The following ZNF860 variants were observed in gnomAD, a reference collection of about 807,000 sequenced individuals.
The protein encoded by ZNF860 is zinc finger protein 860.
For missense variants in ZNF860, 641 were observed against 759.2 expected (o/e 0.84, Z 1.83); for synonymous variants, 206 against 248.9 (o/e 0.83, Z 1.62).
At chr3:31,996,354 CT>C (rs1699089899), downstream of ZNF860, among the ~76,000 whole-genome samples, 1 of 152,114 alleles carries the variant, frequency 6.6e-6, no homozygotes, top group South Asian at 2.1e-4. Flanking sequence ...TCTCTAAACT[CT>C]CCCCCCCGTG....
In ZNF860 at chr3:31,990,219, TG is replaced by T. The variant is rs1198534118; in HGVS notation, c.1143del (p.Gln382SerfsTer13). 6.2e-7 allele frequency: 1 copy of T among 1,613,934 alleles called. No homozygotes were observed. The highest frequency in any genetic ancestry group is 1.3e-5 in the African/African-American group (1 of 74,920). ...KCNECGKAFSGQSTLIHHQAI... is the reference protein window; with the variant it reads ...KCNECGKAFSXQSTLIHHQAI... ...GTAATGAGTGTGGCAAAGCCTTTAG[TG>T]GGCAGTCAACACTTATTCACCATCA... On this transcript the variant is annotated frameshift_variant, in exon 2 of 2. Coordinates refer to ENST00000360311, the MANE Select transcript of ZNF860 (RefSeq NM_001137674.3). LOFTEE classifies it low-confidence loss of function (END_TRUNC).
Position 31,989,251 on chromosome 3 carries a change from A to ATCCAC in ZNF860, c.172_173insTCCAC (p.Arg58IlefsTer15). The stretch of plus-strand genomic sequence containing the variant: ...CAGGGCCATGATGTTGGAGAACTAC[A>ATCCAC]GGAACCTGCATTCTGTGGATATCTC... On this transcript the variant is annotated frameshift_variant, in exon 2 of 2. Coordinates refer to ENST00000360311, the MANE Select transcript of ZNF860 (RefSeq NM_001137674.3). LOFTEE classifies it low-confidence loss of function (END_TRUNC). The ATCCAC allele has an allele frequency of 6.2e-7, 1 of 1,614,244 alleles. No homozygotes were observed. The highest frequency in any genetic ancestry group is 8.5e-7 in the Non-Finnish European group (1 of 1,180,040).
At chr3:31,992,896 A>G (rs998060910), downstream of ZNF860, among the ~76,000 whole-genome samples, 11 of 152,150 alleles carry the variant, frequency 7.2e-5, no homozygotes, top group Admixed American at 1.3e-4. Context: ...CTAGTTACTC[A>G]AGAGGCTGAG....
downstream of ZNF860, among the ~76,000 whole-genome samples, chr3:31,994,494 ATGG>A (rs1280397809): frequency 5.4e-5 from 4 of 73,784 alleles, no homozygotes; most frequent in African/African-American, 8.6e-5. Flanking sequence ...GAAAAAAAGG[ATGG>A]ATGGATGGAT....
the ZNF860 span, among the ~76,000 whole-genome samples, chr3:31,998,870 A>G: frequency 1.3e-5 from 2 of 152,190 alleles, no homozygotes; most frequent in African/African-American, 4.8e-5. Flanking sequence ...TTCTTTTTCA[A>G]CTATCTTGGA....
the ZNF860 span, among the ~76,000 whole-genome samples, chr3:32,002,077 A>G: frequency 1.3e-5 from 2 of 152,340 alleles, no homozygotes; most frequent in East Asian, 3.9e-4. Context: ...TAAACTGCCC[A>G]GGTTGGCTAG....
downstream of ZNF860, among the ~76,000 whole-genome samples, chr3:31,994,837 C>T (rs193300705): frequency 3.9e-5 from 6 of 152,242 alleles, no homozygotes; most frequent in Admixed American, 1.3e-4. Context: ...AATATTTCAA[C>T]GTAGGTTCTT....
At chr3:32,002,210 G>T in the ZNF860 span, among the ~76,000 whole-genome samples, 1 of 151,974 alleles carries the variant, frequency 6.6e-6, no homozygotes, top group Admixed American at 6.6e-5. Flanking sequence ...CTTTTATCCT[G>T]CATTTTAGGT....
downstream of ZNF860, among the ~76,000 whole-genome samples, chr3:31,993,633 A>T (rs1480025315): frequency 6.6e-6 from 1 of 152,138 alleles, no homozygotes; most frequent in Non-Finnish European, 1.5e-5. Flanking sequence ...TACAAGTAAA[A>T]CTACAATGAG....
chr3:32,002,074 C>T, the ZNF860 span, among the ~76,000 whole-genome samples: 1 of 152,154 alleles, frequency 6.6e-6, no homozygotes, highest in Non-Finnish European at 1.5e-5. Context: ...GTTTAAACTG[C>T]CCAGGTTGGC....
downstream of ZNF860, among the ~76,000 whole-genome samples, chr3:31,992,354 T>C (rs1002615626): frequency 6.6e-6 from 1 of 152,198 alleles, no homozygotes; most frequent in Non-Finnish European, 1.5e-5. Context: ...GTGGTTATTA[T>C]AAAACAATAC....
In ZNF860 at chr3:31,990,738, T is replaced by A. The variant is rs1167019771; in HGVS notation, c.1659T>A (p.His553Gln). The A allele has an allele frequency of 1.9e-6, 3 of 1,613,844 alleles. No homozygotes were observed. The highest frequency in any genetic ancestry group is 1.7e-6 in the Non-Finnish European group (2 of 1,179,908). ...CAGTTTTCAGTCGCAAATCACACCA[T>A]GAAACACATAAGAGAATTCATACTG... Reference protein sequence around the residue: ...CDTVFSRKSHHETHKRIHTGE... With the variant: ...CDTVFSRKSHQETHKRIHTGE... The change falls in exon 2 of 2, where the codon CAT (histidine) becomes CAA (glutamine). Residue 553 changes from histidine (H) to glutamine (Q), a missense_variant. Physicochemically the swap from His to Gln is conservative, Grantham distance 24. Transcript: ENST00000360311.
chr3:32,002,810 T>G, the ZNF860 span, among the ~76,000 whole-genome samples: 1 of 129,748 alleles, frequency 7.7e-6, no homozygotes, highest in Non-Finnish European at 1.8e-5. Flanking sequence ...CTATTTATTG[T>G]TAACTTTGAA....
In ZNF860 at chr3:31,990,105, C is replaced by T. The variant is rs778086335; in HGVS notation, c.1026C>T (p.Tyr342=). Residue 342 remains tyrosine (Y), a synonymous_variant, in exon 2 of 2, where the codon TAC becomes TAT. Coordinates refer to ENST00000360311, the MANE Select transcript of ZNF860 (RefSeq NM_001137674.3). The part of the protein sequence containing the change: ...HRRIHTGEKP[Y]KCKVCEKAFR... ...GAATTCATACTGGAGAGAAACCATACAAATGTAAGGTTTGTGAAAAGGCTT... is the reference window on the plus strand; with the variant it reads ...GAATTCATACTGGAGAGAAACCATATAAATGTAAGGTTTGTGAAAAGGCTT... 6.2e-6 allele frequency: 10 copies of T among 1,611,590 alleles called. No homozygotes were observed. In the East Asian group the frequency reaches 1.6e-4, roughly 25 times the overall value.
chr3:31,984,029 T>A (rs1430456028), intron 1 of ZNF860, among the ~76,000 whole-genome samples: 1 of 148,966 alleles, frequency 6.7e-6, no homozygotes, highest in Admixed American at 6.7e-5. Context: ...AGGGGTTTTT[T>A]TTGTTTTTGT....
intron 1 of ZNF860, among the ~76,000 whole-genome samples, chr3:31,985,688 C>T (rs1222119659): frequency 6.6e-6 from 1 of 152,206 alleles, no homozygotes; most frequent in Non-Finnish European, 1.5e-5. Context: ...AAAATTATCA[C>T]AACCAGATCA....
At chr3:31,996,073 G>A (rs548105619), downstream of ZNF860, among the ~76,000 whole-genome samples, 21 of 152,184 alleles carry the variant, frequency 1.4e-4, no homozygotes, top group Non-Finnish European at 2.8e-4. Context: ...GGGGCTGCCA[G>A]TTTCAAGGCA....
In ZNF860 at chr3:31,990,339, T is replaced by C. The variant is rs755042943; in HGVS notation, c.1260T>C (p.His420=). The change falls in exon 2 of 2, where the codon CAT becomes CAC. Residue 420 remains histidine, a synonymous_variant. Transcript: ENST00000360311. Reference sequence around the variant, plus strand: ...CCATTGCAAATCATTGGAGAATCCATAATGAAGAGAGATCTTACAAGTGTA... The same window carrying C: ...CCATTGCAAATCATTGGAGAATCCACAATGAAGAGAGATCTTACAAGTGTA... ...ATTIANHWRI[H]NEERSYKCNK... 7.5e-5 allele frequency: 121 copies of C among 1,614,002 alleles called. No homozygotes were observed. Among genetic ancestry groups the C allele is most frequent in the Non-Finnish European group, 1.0e-4 (118 of 1,180,010 alleles).
chr3:31,993,076 A>T (rs1699050869), downstream of ZNF860, among the ~76,000 whole-genome samples: 1 of 152,170 alleles, frequency 6.6e-6, no homozygotes, highest in Non-Finnish European at 1.5e-5. Context: ...TGAGCCAAAG[A>T]CGGGAAAATA....
Sources: allele counts gnomAD v4.1 joint callset (sites outside exome capture counted in the v4.1 genomes callset), GRCh38; gene constraint gnomAD v4.1.1; transcripts MANE v1.5; gene names NCBI Gene and HGNC (gene_info 2026-07-23, HGNC 2026-07-21).